Variants in SOX5 observed in about 807,000 individuals in gnomAD.
The protein encoded by SOX5 is SRY-box transcription factor 5.
In SOX5, 9 loss-of-function variants were observed where a neutral mutation model predicts 92.0. The observed-to-expected ratio is 0.10, with a 90% CI of 0.06 to 0.17. The LOEUF (loss-of-function observed/expected upper bound fraction) is 0.17, where lower values mean the gene tolerates loss of function less well. SOX5 is among the 10% of genes least tolerant of loss of function. The pLI is 1.00. For synonymous variants in SOX5, 344 were observed against 336.3 expected, an observed-to-expected ratio of 1.02 and a Z score of -0.25; for missense variants, 642 against 944.5, an observed-to-expected ratio of 0.68 and a Z score of 4.20.
chr12:24,099,711 A>G (rs1158435434), intron 4 of SOX5, among the ~76,000 whole-genome samples: 1 of 152,112 alleles, frequency 6.6e-6, no homozygotes, highest in Non-Finnish European at 1.5e-5. Context: ...AATCCAAGCC[A>G]CTATCCTATT....
intron 4 of SOX5, among the ~76,000 whole-genome samples, chr12:24,046,914 T>A (rs764905257): frequency 6.6e-6 from 1 of 152,042 alleles, no homozygotes; most frequent in South Asian, 2.1e-4. Flanking sequence ...CTCAAACTCC[T>A]GACCTCACGT....
chr12:24,500,035 GA>G (rs565745008), intron 1 of SOX5, among the ~76,000 whole-genome samples: 51 of 152,210 alleles, frequency 3.4e-4, no homozygotes, highest in African/African-American at 1.1e-3. Context: ...AAATCAAGCA[GA>G]TTAGTGGCCT....
At chr12:23,838,198 T>C (rs1465389255) in intron 3 of SOX5, among the ~76,000 whole-genome samples, 2 of 145,128 alleles carry the variant, frequency 1.4e-5, no homozygotes, top group African/African-American at 2.5e-5. Flanking sequence ...ATTTATATTA[T>C]ATATACCCAT....
chr12:23,653,315 T>A (rs545656616), intron 7 of SOX5, among the ~76,000 whole-genome samples: 1 of 151,896 alleles, frequency 6.6e-6, no homozygotes, highest in Non-Finnish European at 1.5e-5. Context: ...CTTGGAATAG[T>A]CTGTCTGTAT....
chr12:24,252,192 A>T (rs1018528801), intron 3 of SOX5, among the ~76,000 whole-genome samples: 6 of 152,180 alleles, frequency 3.9e-5, no homozygotes, highest in Admixed American at 6.6e-5. Flanking sequence ...TTAGAGGAAA[A>T]AATGTCTTTT....
At chr12:24,067,213 T>G (rs1940896313) in intron 4 of SOX5, among the ~76,000 whole-genome samples, 1 of 152,214 alleles carries the variant, frequency 6.6e-6, no homozygotes, top group Admixed American at 6.5e-5. Flanking sequence ...GGGTGTGTTT[T>G]TATTTTATGT....
intron 4 of SOX5, among the ~76,000 whole-genome samples, chr12:24,211,223 T>C (rs2139671993): frequency 6.6e-6 from 1 of 152,312 alleles, no homozygotes; most frequent in Non-Finnish European, 1.5e-5. Flanking sequence ...TTCCATTCTC[T>C]CCTTATCAAA....
intron 3 of SOX5, among the ~76,000 whole-genome samples, chr12:23,756,908 G>A (rs1002103223): frequency 4.0e-5 from 6 of 151,804 alleles, no homozygotes; most frequent in Non-Finnish European, 7.4e-5. Context: ...TCATCATCAC[G>A]TTTAGTTAAT....
At chr12:23,961,122 T>C (rs1045483409) in intron 4 of SOX5, among the ~76,000 whole-genome samples, 6 of 152,126 alleles carry the variant, frequency 3.9e-5, no homozygotes, top group Admixed American at 2.0e-4. Context: ...AAAGTTACAT[T>C]TTTATTATTA....
At chr12:24,338,571 T>C (rs1050488410) in intron 2 of SOX5, among the ~76,000 whole-genome samples, 1 of 152,226 alleles carries the variant, frequency 6.6e-6, no homozygotes, top group Non-Finnish European at 1.5e-5. Context: ...GAGTCATTTC[T>C]GGATTTTGTA....
intron 2 of SOX5, among the ~76,000 whole-genome samples, chr12:24,331,733 A>T (rs1951326340): frequency 6.6e-6 from 1 of 151,262 alleles, no homozygotes; most frequent in Admixed American, 6.6e-5. Context: ...CTGTAATCCC[A>T]GCTACTTGGG....
In SOX5 at chr12:24,213,101, C is replaced by G. The variant is rs1958816379; in HGVS notation, c.-2+242G>C. Among the ~76,000 whole-genome samples, 7 of 152,152 alleles carry G rather than the reference C, an allele frequency of 4.6e-5. No individual in the cohort carries two copies. The South Asian group carries it at 1.5e-3, about 32-fold the overall frequency. ...ATAGAAAAAATATAAATTCAGGCATCTATGTAACTTATGTAAGATTTTGTT... is the reference window on the plus strand; with the variant it reads ...ATAGAAAAAATATAAATTCAGGCATGTATGTAACTTATGTAAGATTTTGTT... On this transcript the variant is annotated intron_variant, in intron 4 of 4. Transcript: ENST00000446891.
At chr12:23,610,020 A>T (rs2075764305) in intron 8 of SOX5, among the ~76,000 whole-genome samples, 1 of 152,184 alleles carries the variant, frequency 6.6e-6, no homozygotes, top group South Asian at 2.1e-4. Context: ...AGGATAACAG[A>T]TATTTTAACT....
At chr12:23,892,681 G>A (rs944488738) in intron 2 of SOX5, among the ~76,000 whole-genome samples, 13 of 152,104 alleles carry the variant, frequency 8.5e-5, no homozygotes, top group Admixed American at 8.5e-4. Context: ...AACATATGCA[G>A]CAGAAACAAA....
At chr12:24,143,453 T>TA (rs1950775515) in intron 4 of SOX5, among the ~76,000 whole-genome samples, 1 of 152,094 alleles carries the variant, frequency 6.6e-6, no homozygotes, top group East Asian at 1.9e-4. Flanking sequence ...TCTACATGTT[T>TA]AAAAACTTAA....
chr12:23,984,063 T>G (rs527562690), intron 4 of SOX5, among the ~76,000 whole-genome samples: 2 of 152,260 alleles, frequency 1.3e-5, no homozygotes, highest in South Asian at 4.1e-4. Flanking sequence ...CTCTCCTCCT[T>G]TGATTTCTCT....
At chr12:23,714,313 C>T (rs886495476) in intron 6 of SOX5, among the ~76,000 whole-genome samples, 3 of 152,114 alleles carry the variant, frequency 2.0e-5, no homozygotes, top group Non-Finnish European at 4.4e-5. Context: ...TATTTAAAGT[C>T]ATTTTTAACA....
At chr12:23,614,176 G>A (rs948266615) in intron 8 of SOX5, among the ~76,000 whole-genome samples, 16 of 152,206 alleles carry the variant, frequency 1.1e-4, no homozygotes, top group African/African-American at 3.9e-4. Context: ...CCTCAAGGAA[G>A]TGCAGGATGA....
At chr12:23,823,273 T>C (rs1401447848) in intron 3 of SOX5, among the ~76,000 whole-genome samples, 1 of 152,224 alleles carries the variant, frequency 6.6e-6, no homozygotes, top group Admixed American at 6.5e-5. Context: ...CTTTTCAAAT[T>C]TGTGCTTCCT....
Sources: gnomAD v4.1 joint callset for allele counts (sites outside exome capture counted in the v4.1 genomes callset) on GRCh38, gnomAD v4.1.1 for gene constraint, MANE v1.5 for transcripts, NCBI Gene and HGNC (gene_info 2026-07-23, HGNC 2026-07-21) for gene names.